Variants in ARHGAP6 observed in about 807,000 individuals in gnomAD.
ARHGAP6 encodes the protein Rho GTPase activating protein 6, also known as rho GTPase-activating protein 6.
In ARHGAP6, 16 loss-of-function variants were observed where a neutral mutation model predicts 55.7. That is an observed-to-expected ratio of 0.29 (90% CI 0.19 to 0.44). The LOEUF is 0.44. Among genes scored for constraint, ARHGAP6 ranks in the 20% least tolerant of loss-of-function variants. The pLI is 1.00. For missense variants in ARHGAP6, 698 were observed against 808.9 expected (o/e 0.86, Z 1.66); for synonymous variants, 382 against 360.9 (o/e 1.06, Z -0.66).
Position 11,421,111 on chromosome X carries a change from A to G in ARHGAP6, c.589-166404T>C, listed in dbSNP as rs1019667884. ...CTCTCCAGAGTAATCCCCACACAGTATGAAACACACTGTTCATAACTGTGA... is the reference window on the plus strand; with the variant it reads ...CTCTCCAGAGTAATCCCCACACAGTGTGAAACACACTGTTCATAACTGTGA... On this transcript the variant is annotated intron_variant, in intron 1 of 12. Transcript: ENST00000337414. Among the ~76,000 whole-genome samples, 9 of 111,908 alleles carry G rather than the reference A, an allele frequency of 8.0e-5. No individual in the cohort carries two copies. In the East Asian group the frequency reaches 1.1e-3, roughly 14 times the overall value.
intron 1 of ARHGAP6, among the ~76,000 whole-genome samples, chrX:11,620,313 C>T (rs1273738622): frequency 8.9e-6 from 1 of 112,429 alleles, no homozygotes; most frequent in African/African-American, 3.2e-5. Flanking sequence ...CCTTCTATGA[C>T]TTCTGGTTAA....
At chrX:11,267,415 A>G (rs2047641452) in intron 1 of ARHGAP6, among the ~76,000 whole-genome samples, 1 of 111,700 alleles carries the variant, frequency 9.0e-6, no homozygotes, top group South Asian at 3.8e-4. Flanking sequence ...AGGAAACAGA[A>G]GCGCAGAGGA....
intron 1 of ARHGAP6, among the ~76,000 whole-genome samples, chrX:11,328,258 T>C (rs2048521521): frequency 8.9e-6 from 1 of 112,030 alleles, no homozygotes; most frequent in Admixed American, 9.4e-5. Flanking sequence ...GAGATACAGT[T>C]ATGGTATAGG....
At chrX:11,650,362 TTCAG>T (rs2052572286) in intron 1 of ARHGAP6, among the ~76,000 whole-genome samples, 2 of 111,975 alleles carry the variant, frequency 1.8e-5, no homozygotes, top group African/African-American at 6.5e-5. Flanking sequence ...TGGTTTTAGA[TTCAG>T]TCAATGAACA....
intron 1 of ARHGAP6, among the ~76,000 whole-genome samples, chrX:11,345,143 G>A (rs949840110): frequency 8.9e-6 from 1 of 112,214 alleles, no homozygotes; most frequent in African/African-American, 3.2e-5. Context: ...CTTGGGAGTA[G>A]ATTCATGATA....
intron 1 of ARHGAP6, among the ~76,000 whole-genome samples, chrX:11,288,682 G>A (rs1261048891): frequency 9.0e-6 from 1 of 110,915 alleles, no homozygotes; most frequent in Non-Finnish European, 1.9e-5. Flanking sequence ...CTCAACCCCT[G>A]GCAACCATGA....
At chrX:11,548,341 C>T (rs1036281885) in intron 1 of ARHGAP6, among the ~76,000 whole-genome samples, 3 of 111,433 alleles carry the variant, frequency 2.7e-5, no homozygotes, top group African/African-American at 9.8e-5. Context: ...AGTGCTAGAA[C>T]ACCAGAACTA....
chrX:11,329,955 G>C (rs1483957667), intron 1 of ARHGAP6, among the ~76,000 whole-genome samples: 1 of 113,100 alleles, frequency 8.8e-6, no homozygotes, highest in African/African-American at 3.2e-5. Flanking sequence ...GACCACTGTT[G>C]TCTATGTGGT....
chrX:11,628,204 G>A (rs1285540179), intron 1 of ARHGAP6, among the ~76,000 whole-genome samples: 1 of 112,332 alleles, frequency 8.9e-6, no homozygotes, highest in Non-Finnish European at 1.9e-5. Context: ...GTACTAGATA[G>A]ATCTGTCTGT....
At chrX:11,491,819 C>T (rs2050572873) in intron 1 of ARHGAP6, among the ~76,000 whole-genome samples, 1 of 109,685 alleles carries the variant, frequency 9.1e-6, no homozygotes, top group Middle Eastern at 4.3e-3. Context: ...AACTAGTTTA[C>T]AGTCCCACCA....
At chrX:11,449,958 T>A (rs1426329474) in intron 1 of ARHGAP6, among the ~76,000 whole-genome samples, 1 of 111,505 alleles carries the variant, frequency 9.0e-6, no homozygotes, top group Non-Finnish European at 1.9e-5. Context: ...TGATATCCTT[T>A]CCCTGTGACA....
intron 2 of ARHGAP6, among the ~76,000 whole-genome samples, chrX:11,238,279 C>T (rs761214243): frequency 4.4e-5 from 5 of 112,411 alleles, no homozygotes; most frequent in Non-Finnish European, 9.4e-5. Flanking sequence ...CTTTAATTTA[C>T]GAAGAAATGG....
At chrX:11,581,775 G>GA (rs2051669436) in intron 1 of ARHGAP6, among the ~76,000 whole-genome samples, 1 of 111,110 alleles carries the variant, frequency 9.0e-6, no homozygotes, top group African/African-American at 3.3e-5. Context: ...ATGGACGGGG[G>GA]AAGGGGGAAA....
chrX:11,141,110 A>G (rs2147264375), intron 12 of ARHGAP6, among the ~76,000 whole-genome samples: 1 of 112,190 alleles, frequency 8.9e-6, no homozygotes, highest in South Asian at 3.7e-4. Context: ...CTGTGCTTTT[A>G]AAATGTAATA....
At chrX:11,542,202 T>G (rs1056108531) in intron 1 of ARHGAP6, among the ~76,000 whole-genome samples, 2 of 111,173 alleles carry the variant, frequency 1.8e-5, no homozygotes, top group African/African-American at 3.3e-5. Context: ...GTGCAGTGGC[T>G]CACACCTGTA....
At chrX:11,303,199 T>C (rs1485043280) in intron 1 of ARHGAP6, among the ~76,000 whole-genome samples, 1 of 112,770 alleles carries the variant, frequency 8.9e-6, no homozygotes, top group African/African-American at 3.2e-5. Flanking sequence ...TGTTGTGAAA[T>C]TCTTGTTAGT....
In ARHGAP6 at chrX:11,475,835, A is replaced by T. The variant is rs1170873667; in HGVS notation, c.588+188406T>A. ...CAGACTAGGAGAAATTTTTAAAAAC[A>T]CATGTCTAATGAAGGACTTGTATTT... is the stretch of plus-strand genomic sequence containing the variant. On this transcript the variant is annotated intron_variant, in intron 1 of 12. Coordinates refer to ENST00000337414, the MANE Select transcript of ARHGAP6 (RefSeq NM_013427.3). 2.7e-5 allele frequency among the ~76,000 whole-genome samples: 3 copies of T among 110,613 alleles called. No homozygotes were observed. In the East Asian group the frequency reaches 8.4e-4, roughly 31 times the overall value.
chrX:11,153,801 T>C (rs762153514), intron 10 of ARHGAP6, among the ~76,000 whole-genome samples: 1 of 110,868 alleles, frequency 9.0e-6, no homozygotes, highest in Non-Finnish European at 1.9e-5. Flanking sequence ...TCCTATGGGC[T>C]CATTCTTCTT....
Position 11,547,576 on chromosome X carries a change from G to A in ARHGAP6, c.588+116665C>T, listed in dbSNP as rs188645504. ...AGACCCTAAAAAGTCCAGTTGAGCA[G>A]TCATGAAGTGGACCTCTATCTATTT... On this transcript the variant is annotated intron_variant, in intron 1 of 12. Transcript: ENST00000337414. 2.7e-5 allele frequency among the ~76,000 whole-genome samples: 3 copies of A among 112,234 alleles called. No individual in the cohort carries two copies. The Admixed American group carries it at 2.8e-4, about 11-fold the overall frequency.
Sources: allele counts gnomAD v4.1 joint callset (sites outside exome capture counted in the v4.1 genomes callset), GRCh38; gene constraint gnomAD v4.1.1; transcripts MANE v1.5; gene names NCBI Gene and HGNC (gene_info 2026-07-23, HGNC 2026-07-21).